The following LARS1 variants were observed in gnomAD, a reference collection of about 807,000 sequenced individuals.
LARS1 encodes leucyl-tRNA synthetase 1.
Under a neutral mutation model 162.8 loss-of-function variants are expected in LARS1, and 100 were observed. That is an observed-to-expected ratio of 0.61 (90% CI 0.52 to 0.73). The LOEUF (loss-of-function observed/expected upper bound fraction) is 0.73, where lower values mean the gene tolerates loss of function less well. Ranked by LOEUF, LARS1 falls within the 30% of genes least tolerant of loss-of-function variation. LARS1 has a pLI of 0.00. For missense variants in LARS1, 1,258 were observed against 1,408.9 expected, an observed-to-expected ratio of 0.89 and a Z score of 1.71; for synonymous variants, 457 against 462.8, an observed-to-expected ratio of 0.99 and a Z score of 0.16.
At chr5:146,148,013 G>C (rs1581046810) in intron 15 of LARS1, among the ~76,000 whole-genome samples, 1 of 152,290 alleles carries the variant, frequency 6.6e-6, no homozygotes, top group East Asian at 1.9e-4. Flanking sequence ...AGATGATGAG[G>C]TAATACCTTC....
intron 5 of LARS1, among the ~76,000 whole-genome samples, chr5:146,167,873 A>C (rs1754088211): frequency 1.4e-5 from 2 of 145,688 alleles, no homozygotes; most frequent in African/African-American, 5.2e-5. Context: ...TTTAGTAGAG[A>C]CGGGGTTTCA....
chr5:146,159,495 A>G, intron 7 of LARS1, 25 bp from the exon 8 acceptor site: 1 of 1,546,264 alleles, frequency 6.5e-7, no homozygotes, highest in Non-Finnish European at 8.9e-7. Flanking sequence ...AAAAGTGACA[A>G]ACATTATTAT....
chr5:146,130,107 G>C lies in LARS1; in HGVS notation c.2539C>G (p.Leu847Val), dbSNP rs187036851. 168 of 1,613,860 alleles carry C rather than the reference G, an allele frequency of 1.0e-4. No individual in the cohort carries two copies. Among genetic ancestry groups the C allele is most frequent in the Middle Eastern group, 4.9e-4 (3 of 6,062 alleles). ...ELAVEGMHRE[L>V]VFRFIEVQTL... Reference sequence around the variant, plus strand: ...TGAACTTCAATAAACCGGAACACAAGTTCTCTGTGCATCCCTTCCACAGCC... The same window carrying C: ...TGAACTTCAATAAACCGGAACACAACTTCTCTGTGCATCCCTTCCACAGCC... The change falls in exon 25 of 32, where the codon CTT becomes GTT. Residue 847 changes from leucine (L) to valine (V), a missense_variant. Physicochemically the swap from Leu to Val is conservative, Grantham distance 32 (BLOSUM62 1). Coordinates refer to ENST00000394434, the MANE Select transcript of LARS1 (RefSeq NM_020117.11).
chr5:146,143,272 TC>T, intron 19 of LARS1, 139 bp downstream of exon 19: 1 of 1,098,870 alleles, frequency 9.1e-7, no homozygotes, highest in South Asian at 1.7e-5. Flanking sequence ...TATTAATTTT[TC>T]CCAGTTCAAT....
At chr5:146,129,992 G>A (rs755733368) in intron 25 of LARS1, 26 bp downstream of exon 25, 62 of 1,583,306 alleles carry the variant, frequency 3.9e-5, no homozygotes, top group South Asian at 8.1e-5. Context: ...AAAACCACTC[G>A]AAACATTTTA....
At chr5:146,169,256 C>T (rs2126573540) in intron 4 of LARS1, among the ~76,000 whole-genome samples, 1 of 152,256 alleles carries the variant, frequency 6.6e-6, no homozygotes, top group East Asian at 1.9e-4. Flanking sequence ...AGCAAAGTTA[C>T]AGACTTAACC....
At chr5:146,168,819 T>C (rs1176750640) in intron 4 of LARS1, among the ~76,000 whole-genome samples, 1 of 152,028 alleles carries the variant, frequency 6.6e-6, no homozygotes, top group Non-Finnish European at 1.5e-5. Flanking sequence ...CAATATAGTA[T>C]ACTATATACC....
intron 10 of LARS1, among the ~76,000 whole-genome samples, chr5:146,154,198 C>T (rs1288443484): frequency 6.8e-6 from 1 of 146,020 alleles, no homozygotes. Context: ...CAGAGCCTTG[C>T]TATGTTGCCA....
chr5:146,143,025 G>A lies in LARS1; in HGVS notation c.1937C>T (p.Pro646Leu). ...DYVFFKEAPFPKTQIAKEKLD... is the reference protein window; with the variant it reads ...DYVFFKEAPFLKTQIAKEKLD... ...TTTTTCCTTTGCAATCTGAGTCTTA[G>A]GAAATGGAGCCTCCTTGAAGAAAAC... Residue 646 changes from proline to leucine, a missense_variant, in exon 20 of 32, where the codon CCT (proline) becomes CTT (leucine). Transcript: ENST00000394434. The A allele has an allele frequency of 6.2e-7, 1 of 1,613,920 alleles. No individual in the cohort carries two copies. Among genetic ancestry groups the A allele is most frequent in the Non-Finnish European group, 8.5e-7 (1 of 1,179,922 alleles).
chr5:146,135,660 G>T lies in LARS1; in HGVS notation c.2153C>A (p.Ser718Ter). The change falls in exon 22 of 32, where the codon TCA becomes TAA. Residue 718 changes from serine (S) to a stop codon, truncating the protein, a stop_gained. Coordinates refer to ENST00000394434, the MANE Select transcript of LARS1 (RefSeq NM_020117.11). LOFTEE classifies it high-confidence loss of function. ...AGTGAGGAAGTTGCCTGTGGATTTT[G>T]ACATCTGAAATAGAGAGTCAGTGAT... is the stretch of plus-strand genomic sequence containing the variant. ...GHLLLNSEKM[S>*]KSTGNFLTLT... 1 of 1,594,280 alleles carries T rather than the reference G, an allele frequency of 6.3e-7. No homozygotes were observed. Among genetic ancestry groups the T allele is most frequent in the South Asian group, 1.2e-5 (1 of 85,964 alleles).
chr5:146,149,198 C>G lies in LARS1; in HGVS notation c.1503+424G>C, dbSNP rs1458243391. The stretch of plus-strand genomic sequence containing the variant: ...TGCTTTTTTATTTCAACAAGCCTAA[C>G]AGACCATTGTCTCTCATAGTATTAT... On this transcript the variant is annotated intron_variant, in intron 15 of 31. Transcript: ENST00000394434. Among the ~76,000 whole-genome samples the G allele has an allele frequency of 6.6e-5, 10 of 152,122 alleles. 1 individual carries two copies. Among genetic ancestry groups the G allele is most frequent in the Admixed American group, 6.5e-4 (10 of 15,272 alleles).
At chr5:146,131,435 T>C (rs1233820800) in intron 23 of LARS1, 2 of 164,996 alleles carry the variant, frequency 1.2e-5, no homozygotes, top group African/African-American at 4.7e-5. Context: ...ACTTTATTCT[T>C]ATAAAGCCCA....
rs1561495702 is a variant in LARS1, at chr5:146,171,917, G to A, written c.287C>T (p.Pro96Leu). 2 of 1,611,106 alleles carry A rather than the reference G, an allele frequency of 1.2e-6. No homozygotes were observed. Among genetic ancestry groups the A allele is most frequent in the African/African-American group, 1.3e-5 (1 of 74,932 alleles). ...FPFGLHCTGM[P>L]IKACADKLKR... is the part of the protein sequence containing the mutation. ...TCCTATTAGCGATCTTACCTTAATAGGCATTCCAGTACAGTGCAGGCCAAA... is the reference window on the plus strand; with the variant it reads ...TCCTATTAGCGATCTTACCTTAATAAGCATTCCAGTACAGTGCAGGCCAAA... Residue 96 changes from proline to leucine, a missense_variant, in exon 4 of 32, where the codon CCT (proline) becomes CTT (leucine). Transcript: ENST00000394434.
Position 146,177,290 on chromosome 5 carries a change from C to T in LARS1, c.125+257G>A, listed in dbSNP as rs550474641. Reference sequence around the variant, plus strand: ...GACCACCCTGGCTAACACAGTGAAACATCATCTCTACTAAAAATACAAAAA... The same window carrying T: ...GACCACCCTGGCTAACACAGTGAAATATCATCTCTACTAAAAATACAAAAA... On this transcript the variant is annotated intron_variant, in intron 2 of 31. Coordinates refer to ENST00000394434, the MANE Select transcript of LARS1 (RefSeq NM_020117.11). 5.3e-5 allele frequency among the ~76,000 whole-genome samples: 8 copies of T among 151,520 alleles called. No homozygotes were observed. In the East Asian group the frequency reaches 1.6e-3, roughly 29 times the overall value.
At chr5:146,151,617 G>A (rs1012613906) in intron 14 of LARS1, among the ~76,000 whole-genome samples, 2 of 152,090 alleles carry the variant, frequency 1.3e-5, no homozygotes, top group African/African-American at 4.8e-5. Flanking sequence ...GAAATATCTT[G>A]TCAAGAAATT....
chr5:146,146,532 C>CAAAAAA (rs573828595), intron 15 of LARS1, among the ~76,000 whole-genome samples: 31 of 26,488 alleles, frequency 1.2e-3, no homozygotes, highest in Non-Finnish European at 1.3e-3. Flanking sequence ...ATGCCAGAAC[C>CAAAAAA]AAAAAAAAAA....
intron 5 of LARS1, among the ~76,000 whole-genome samples, chr5:146,165,265 G>A (rs372367962): frequency 3.9e-5 from 6 of 152,000 alleles, no homozygotes; most frequent in East Asian, 3.9e-4. Flanking sequence ...ACCGGGAGGC[G>A]GAGGTTGCAG....
intron 2 of LARS1, among the ~76,000 whole-genome samples, chr5:146,174,783 A>C (rs961029593): frequency 2.0e-4 from 30 of 151,666 alleles, no homozygotes; most frequent in African/African-American, 7.3e-4. Flanking sequence ...TTAACCTTAA[A>C]GTATATTGAG....
At chr5:146,144,185 G>A (rs1325342566) in intron 18 of LARS1, 82 bp downstream of exon 18, 80 of 995,548 alleles carry the variant, frequency 8.0e-5, no homozygotes, top group Non-Finnish European at 8.3e-5. Context: ...CTAGAATTGA[G>A]GGCAGGGGGG....
Sources: gnomAD v4.1 joint callset for allele counts (sites outside exome capture counted in the v4.1 genomes callset) on GRCh38, gnomAD v4.1.1 for gene constraint, MANE v1.5 for transcripts, NCBI Gene and HGNC (gene_info 2026-07-23, HGNC 2026-07-21) for gene names.